RNF157: variants seen among roughly 807,000 people sequenced by gnomAD.
The protein encoded by RNF157 is E3 ubiquitin ligase RNF157.
Under a neutral mutation model 88.3 loss-of-function variants are expected in RNF157, and 55 were observed. The observed-to-expected ratio is 0.62, with a 90% confidence interval of 0.50 to 0.78. The LOEUF is 0.78. RNF157 is among the 30% of genes least tolerant of loss of function. RNF157 has a pLI of 0.00. For synonymous variants in RNF157, 334 were observed against 341.2 expected (o/e 0.98, Z 0.23); for missense variants, 788 against 860.8 (o/e 0.92, Z 1.06).
In RNF157 at chr17:76,159,373, G is replaced by A; in HGVS notation, c.1266C>T (p.Ser422=). 6.2e-7 allele frequency: 1 copy of A among 1,613,452 alleles called. No individual in the cohort carries two copies. Among genetic ancestry groups the A allele is most frequent in the Non-Finnish European group, 8.5e-7 (1 of 1,179,806 alleles). Residue 422 remains serine, a synonymous_variant, in exon 12 of 19, where the codon AGC becomes AGT. Transcript: ENST00000269391. ...TISPLDRLSD[S]SSQGLKLKKS... is the part of the protein sequence containing the mutation. ...TTTTGAGTTTGAGTCCCTGACTGCT[G>A]CTGTCAGACAGGCGGTCAAGAGGCG...
rs949475052 is a variant in RNF157 at position 76,151,797 on chromosome 17, G to A, written c.1921+558C>T. Among the ~76,000 whole-genome samples the A allele has an allele frequency of 5.7e-4, 87 of 152,150 alleles. 1 individual carries two copies. The highest frequency in any genetic ancestry group is 2.1e-3 in the African/African-American group (87 of 41,420). On this transcript the variant is annotated intron_variant, in intron 18 of 18. Transcript: ENST00000269391. ...AGGGAGCATAGAGGAGCCCTAACTC[G>A]ACCTCTCCGTTGGGATCCAAATCCA... is the stretch of plus-strand genomic sequence containing the variant.
intron 2 of RNF157, among the ~76,000 whole-genome samples, chr17:76,193,693 A>G (rs1442408513): frequency 5.9e-5 from 9 of 152,200 alleles, no homozygotes; most frequent in Non-Finnish European, 1.2e-4. Context: ...TGTGACCCTG[A>G]CTGTCTAACA....
intron 1 of RNF157, among the ~76,000 whole-genome samples, chr17:76,228,520 G>A (rs1034024591): frequency 1.9e-4 from 29 of 152,020 alleles, no homozygotes; most frequent in Admixed American, 1.6e-3. Flanking sequence ...TAACACTTGC[G>A]TTCCTCTCTC....
intron 18 of RNF157, among the ~76,000 whole-genome samples, 155 bp downstream of exon 18, chr17:76,152,200 T>C (rs2068688930): frequency 6.6e-6 from 1 of 152,186 alleles, no homozygotes; most frequent in Non-Finnish European, 1.5e-5. Flanking sequence ...CCAGGCCTTC[T>C]TACTTCCTTC....
intron 2 of RNF157, among the ~76,000 whole-genome samples, chr17:76,201,319 T>G (rs1224999911): frequency 6.1e-5 from 7 of 114,672 alleles, no homozygotes; most frequent in African/African-American, 3.5e-4. Flanking sequence ...GACCCTAGTC[T>G]CTACAAAAAA....
chr17:76,149,427 G>A (rs2068639146), intron 18 of RNF157, among the ~76,000 whole-genome samples: 1 of 152,048 alleles, frequency 6.6e-6, no homozygotes, highest in South Asian at 2.1e-4. Flanking sequence ...TGACGGGAGA[G>A]AGCTGGCCAC....
intron 2 of RNF157, among the ~76,000 whole-genome samples, chr17:76,177,515 G>A (rs896687586): frequency 7.9e-5 from 12 of 151,960 alleles, no homozygotes; most frequent in Non-Finnish European, 1.5e-4. Flanking sequence ...TGATGAGCAT[G>A]AGGGAAGGGG....
chr17:76,227,690 C>T (rs1275773245), intron 1 of RNF157, among the ~76,000 whole-genome samples: 1 of 151,738 alleles, frequency 6.6e-6, no homozygotes, highest in Non-Finnish European at 1.5e-5. Flanking sequence ...CCAGCCTGAC[C>T]AACATGGAGA....
chr17:76,178,452 C>G (rs561353614), intron 2 of RNF157, among the ~76,000 whole-genome samples: 2 of 152,376 alleles, frequency 1.3e-5, no homozygotes, highest in East Asian at 3.9e-4. Flanking sequence ...CGCTCACACA[C>G]CCCTTGCTGC....
At position 76,166,623 on chromosome 17, in the gene RNF157, TA is replaced by T. The variant is rs1340135846; in HGVS notation, c.562-97del. On this transcript the variant is annotated intron_variant, in intron 5 of 18. Transcript: ENST00000269391. ...AAAGGGCGATACTGTCAAGAAGCAT[TA>T]ATCTCATCTCTGCTCCTCATTCTTT... The T allele has an allele frequency of 8.0e-6, 8 of 994,602 alleles. No individual in the cohort carries two copies. In the African/African-American group the frequency reaches 1.3e-4, roughly 16 times the overall value. The allele number at this position is 994,602 out of a possible 1,614,324, so 61.6% of individuals were successfully genotyped here.
intron 1 of RNF157, chr17:76,226,406 G>A (rs2070086502): frequency 6.3e-7 from 1 of 1,596,032 alleles, no homozygotes; most frequent in Admixed American, 1.7e-5. Flanking sequence ...CATCTGGGGG[G>A]GCACCTTATT....
intron 2 of RNF157, among the ~76,000 whole-genome samples, chr17:76,204,618 T>G (rs533401594): frequency 6.6e-6 from 1 of 152,322 alleles, no homozygotes; most frequent in East Asian, 1.9e-4. Flanking sequence ...ATGTTACAAA[T>G]GGATATACTA....
chr17:76,231,464 T>C (rs1313210277), intron 1 of RNF157, among the ~76,000 whole-genome samples: 1 of 152,178 alleles, frequency 6.6e-6, no homozygotes, highest in Non-Finnish European at 1.5e-5. Context: ...GCCTGGCTAA[T>C]TTTTAAAATT....
At chr17:76,182,612 G>T (rs1416302535) in intron 2 of RNF157, among the ~76,000 whole-genome samples, 1 of 151,354 alleles carries the variant, frequency 6.6e-6, no homozygotes, top group Non-Finnish European at 1.5e-5. Context: ...CTTACTCTGT[G>T]TGTAAATTAT....
In RNF157 at chr17:76,161,729, C is replaced by T; in HGVS notation, c.953-82G>A. The T allele has an allele frequency of 6.5e-7, 1 of 1,527,744 alleles. No individual in the cohort carries two copies. Among genetic ancestry groups the T allele is most frequent in the Non-Finnish European group, 9.0e-7 (1 of 1,112,390 alleles). The allele number at this position is 1,527,744 out of a possible 1,614,324, so 94.6% of individuals were successfully genotyped here. ...AGAGCCCAGACAGAAACCATGATCC[C>T]TCCCAGCGCGCATCCGTTTGTCAGA... On this transcript the variant is annotated intron_variant, in intron 10 of 18. Transcript: ENST00000269391. The surrounding 1 kb of genome is among the most constrained non-coding windows in gnomAD (Gnocchi z 4.6).
intron 18 of RNF157, among the ~76,000 whole-genome samples, chr17:76,148,441 G>C (rs2068620901): frequency 1.3e-5 from 2 of 150,342 alleles, no homozygotes; most frequent in Non-Finnish European, 3.0e-5. Context: ...TAATTTTTTT[G>C]TATTTTTGGT....
At chr17:76,164,062 C>G (rs947181566) in intron 8 of RNF157, 1 of 152,158 alleles carries the variant, frequency 6.6e-6, no homozygotes, top group Non-Finnish European at 1.5e-5. Flanking sequence ...GAAGCCCAAC[C>G]CTGCCTCCTA....
chr17:76,203,507 C>T (rs2069623006), intron 2 of RNF157, among the ~76,000 whole-genome samples: 1 of 148,886 alleles, frequency 6.7e-6, no homozygotes, highest in Non-Finnish European at 1.5e-5. Context: ...GGCTGGAGTG[C>T]AATGGCGCAA....
chr17:76,145,484 G>A, intron 18 of RNF157, 131 bp from the exon 19 acceptor site: 2 of 634,090 alleles, frequency 3.2e-6, no homozygotes, highest in Non-Finnish European at 5.6e-6. Flanking sequence ...CGATGACGGT[G>A]CGAGCCACAG....
Sources: gnomAD v4.1 joint callset for allele counts (sites outside exome capture counted in the v4.1 genomes callset) on GRCh38, gnomAD v4.1.1 for gene constraint, Gnocchi (gnomAD v3.1) non-coding constraint, MANE v1.5 for transcripts, NCBI Gene and HGNC (gene_info 2026-07-23, HGNC 2026-07-21) for gene names.